Variants in C8orf34 observed in about 807,000 individuals in gnomAD.
C8orf34 encodes chromosome 8 open reading frame 34, also known as uncharacterized protein C8orf34.
A neutral mutation model predicts 68.3 loss-of-function variants in C8orf34; 65 were observed. That is an observed-to-expected ratio of 0.95 (90% CI 0.78 to 1.17). C8orf34 has a LOEUF of 1.17. Ranked by LOEUF, C8orf34 falls within the 50% of genes most tolerant of loss-of-function variation. C8orf34 has a pLI of 0.00. For synonymous variants in C8orf34, 244 were observed against 241.2 expected, an observed-to-expected ratio of 1.01 and a Z score of -0.11; for missense variants, 664 against 655.4, an observed-to-expected ratio of 1.01 and a Z score of -0.14.
chr8:68,505,738 CAAAAA>C (rs778441254), intron 5 of C8orf34, among the ~76,000 whole-genome samples: 1 of 68,294 alleles, frequency 1.5e-5, no homozygotes. Flanking sequence ...ACTCCGTCTC[CAAAAA>C]AAAAAAAAAA....
intron 1 of C8orf34, among the ~76,000 whole-genome samples, chr8:68,422,551 G>T (rs1458920717): frequency 6.6e-6 from 1 of 152,196 alleles, no homozygotes; most frequent in Admixed American, 6.5e-5. Context: ...CCACCTCCCA[G>T]CTGCTTTCAC....
intron 7 of C8orf34, among the ~76,000 whole-genome samples, chr8:68,576,475 C>G (rs1034146687): frequency 6.6e-6 from 1 of 151,420 alleles, no homozygotes; most frequent in Non-Finnish European, 1.5e-5. Flanking sequence ...CAGAAGGAAG[C>G]GCCAGTTCTT....
intron 10 of C8orf34, among the ~76,000 whole-genome samples, chr8:68,765,284 TGGC>T (rs1823139754): frequency 6.6e-6 from 1 of 152,224 alleles, no homozygotes; most frequent in Non-Finnish European, 1.5e-5. Flanking sequence ...TAAGCATAAG[TGGC>T]AAAACTGGAG....
chr8:68,574,281 G>A (rs1185576633), intron 7 of C8orf34, among the ~76,000 whole-genome samples: 4 of 151,898 alleles, frequency 2.6e-5, no homozygotes, highest in Non-Finnish European at 5.9e-5. Flanking sequence ...ACTTTTGTGA[G>A]TATTATGATA....
intron 10 of C8orf34, among the ~76,000 whole-genome samples, chr8:68,748,520 G>T (rs1459536237): frequency 1.3e-5 from 2 of 151,842 alleles, no homozygotes. Context: ...AATCTACAAT[G>T]AACTCAAATA....
chr8:68,501,034 C>T (rs1240868692), intron 5 of C8orf34, among the ~76,000 whole-genome samples: 1 of 152,152 alleles, frequency 6.6e-6, no homozygotes, highest in Non-Finnish European at 1.5e-5. Context: ...GATATGCCTT[C>T]TGCCTCCAAT....
At chr8:68,393,597 A>T (rs1808563448) in intron 1 of C8orf34, among the ~76,000 whole-genome samples, 1 of 151,832 alleles carries the variant, frequency 6.6e-6, no homozygotes, top group Non-Finnish European at 1.5e-5. Context: ...TGGCAAAAAA[A>T]TAGAGAAAGA....
intron 7 of C8orf34, among the ~76,000 whole-genome samples, chr8:68,620,399 C>T (rs546044160): frequency 2.0e-5 from 3 of 152,186 alleles, no homozygotes; most frequent in Admixed American, 6.5e-5. Context: ...TAGAGGGATG[C>T]GTACCAGGCT....
chr8:68,458,780 CT>C (rs1362794816), intron 3 of C8orf34, among the ~76,000 whole-genome samples: 2 of 152,324 alleles, frequency 1.3e-5, no homozygotes, highest in Non-Finnish European at 2.9e-5. Context: ...CTACTCTCTG[CT>C]GCTAGCACAC....
intron 3 of C8orf34, among the ~76,000 whole-genome samples, chr8:68,463,275 G>A (rs1416073304): frequency 6.6e-6 from 1 of 152,080 alleles, no homozygotes; most frequent in Non-Finnish European, 1.5e-5. Flanking sequence ...CCAATAACAG[G>A]CTCTGAAATT....
chr8:68,779,949 A>C (rs1035921262), intron 11 of C8orf34, among the ~76,000 whole-genome samples: 8 of 152,224 alleles, frequency 5.3e-5, no homozygotes, highest in Non-Finnish European at 7.3e-5. Context: ...ACTCAGACAG[A>C]TGTAAAATGA....
intron 1 of C8orf34, among the ~76,000 whole-genome samples, chr8:68,364,977 A>G (rs1267282650): frequency 6.6e-6 from 1 of 151,328 alleles, no homozygotes; most frequent in Non-Finnish European, 1.5e-5. Flanking sequence ...TGAAAGGATC[A>G]ACAAAATTGA....
At chr8:68,455,355 T>C (rs1312654141) in intron 3 of C8orf34, among the ~76,000 whole-genome samples, 1 of 152,182 alleles carries the variant, frequency 6.6e-6, no homozygotes, top group African/African-American at 2.4e-5. Context: ...ACTATTCTTA[T>C]TATAGTGCCC....
chr8:68,543,871 A>G (rs1359678696), intron 7 of C8orf34, among the ~76,000 whole-genome samples: 1 of 151,982 alleles, frequency 6.6e-6, no homozygotes, highest in East Asian at 1.9e-4. Flanking sequence ...TCTGAACTTG[A>G]CTCTTTAGAC....
chr8:68,668,866 C>G (rs909276606), intron 8 of C8orf34, among the ~76,000 whole-genome samples: 3 of 152,108 alleles, frequency 2.0e-5, no homozygotes, highest in Admixed American at 6.5e-5. Flanking sequence ...TGACAGCCAG[C>G]AAGGAGAGGA....
chr8:68,487,184 T>A (rs1466259516), intron 4 of C8orf34, among the ~76,000 whole-genome samples: 2 of 152,212 alleles, frequency 1.3e-5, no homozygotes, highest in Admixed American at 6.5e-5. Flanking sequence ...ATGGGGTAGA[T>A]TATCAAGAGA....
At chr8:68,399,412 ATTTCTC>A (rs1808854832) in intron 1 of C8orf34, among the ~76,000 whole-genome samples, 2 of 152,094 alleles carry the variant, frequency 1.3e-5, no homozygotes, top group African/African-American at 4.8e-5. Flanking sequence ...AACATACAGT[ATTTCTC>A]TTTCTGTTTC....
At chr8:68,808,792 A>T (rs1300612826) in intron 12 of C8orf34, among the ~76,000 whole-genome samples, 4 of 152,090 alleles carry the variant, frequency 2.6e-5, no homozygotes, top group African/African-American at 9.7e-5. Flanking sequence ...CCATAGGACA[A>T]CTATATTTAG....
At position 68,367,912 on chromosome 8, in the gene C8orf34, G is replaced by GAAA. The variant is rs61562318; in HGVS notation, c.327+36596_327+36598dup. On this transcript the variant is annotated intron_variant, in intron 1 of 13. Coordinates refer to ENST00000518698, the MANE Select transcript of C8orf34 (RefSeq NM_052958.4). ...CCTAAAGTATAATAAAAAAAGAAAA[G>GAAA]AAAAAAAAAAAAAAAAAAAAAAAAA... Among the ~76,000 whole-genome samples, 477 of 79,002 alleles carry GAAA rather than the reference G, an allele frequency of 6.0e-3. 5 individuals carry two copies. The highest frequency in any genetic ancestry group is 0.022 in the Middle Eastern group (2 of 90). The allele number at this position is 79,002 out of a possible 152,430, so 51.8% of individuals were successfully genotyped here.
Sources: gnomAD v4.1 joint callset for allele counts (sites outside exome capture counted in the v4.1 genomes callset) on GRCh38, gnomAD v4.1.1 for gene constraint, MANE v1.5 for transcripts, NCBI Gene and HGNC (gene_info 2026-07-23, HGNC 2026-07-21) for gene names.